The following NAALADL2 variants were observed in gnomAD, a reference collection of about 807,000 sequenced individuals.
NAALADL2 encodes the protein inactive N-acetylated-alpha-linked acidic dipeptidase-like protein 2.
A neutral mutation model predicts 87.2 loss-of-function variants in NAALADL2; 76 were observed. The observed-to-expected ratio is 0.87, with a 90% confidence interval of 0.72 to 1.05. The LOEUF is 1.05. NAALADL2 is among the 50% of genes least tolerant of loss of function. The pLI, the probability that NAALADL2 is intolerant of heterozygous loss-of-function variation, is 0.00. For synonymous variants in NAALADL2, 354 were observed against 331.0 expected, an observed-to-expected ratio of 1.07 and a Z score of -0.75; for missense variants, 1,089 against 945.8, an observed-to-expected ratio of 1.15 and a Z score of -1.99.
At chr3:174,739,386 G>A (rs1464273574) in intron 3 of NAALADL2, among the ~76,000 whole-genome samples, 1 of 152,080 alleles carries the variant, frequency 6.6e-6, no homozygotes, top group African/African-American at 2.4e-5. Flanking sequence ...ATCGGATGAA[G>A]ATTTTAGGGA....
At chr3:174,649,912 A>G (rs995767736) in intron 2 of NAALADL2, among the ~76,000 whole-genome samples, 28 of 152,248 alleles carry the variant, frequency 1.8e-4, no homozygotes, top group African/African-American at 4.3e-4. Context: ...GCTCATATCT[A>G]TCTTACATAC....
intron 3 of NAALADL2, among the ~76,000 whole-genome samples, chr3:174,832,367 C>A (rs1259358702): frequency 6.6e-6 from 1 of 152,060 alleles, no homozygotes; most frequent in Non-Finnish European, 1.5e-5. Flanking sequence ...TCGTTATGTA[C>A]CCAGTAGTCA....
chr3:175,502,023 T>C (rs1729614115), intron 9 of NAALADL2, among the ~76,000 whole-genome samples: 1 of 152,220 alleles, frequency 6.6e-6, no homozygotes, highest in Non-Finnish European at 1.5e-5. Context: ...CACATTGGTC[T>C]ACATGAACAG....
chr3:175,781,845 A>C (rs922273943), intron 13 of NAALADL2, among the ~76,000 whole-genome samples: 1 of 151,548 alleles, frequency 6.6e-6, no homozygotes, highest in Non-Finnish European at 1.5e-5. Context: ...GTATCTCCCA[A>C]TGCTATCCCT....
chr3:175,765,285 A>G lies in NAALADL2; in HGVS notation c.2189+9867A>G, dbSNP rs116440879. The stretch of plus-strand genomic sequence containing the variant: ...CTTTTACCCTTTTATGAATAAATAC[A>G]TACACTAGTTTTATAATTATGTGTC... On this transcript the variant is annotated intron_variant, in intron 13 of 13. Coordinates refer to ENST00000454872, the MANE Select transcript of NAALADL2 (RefSeq NM_207015.3). Among the ~76,000 whole-genome samples the G allele has an allele frequency of 1.8e-3, 267 of 152,248 alleles. 2 individuals carry two copies. Among genetic ancestry groups the G allele is most frequent in the African/African-American group, 6.3e-3 (260 of 41,576 alleles).
chr3:175,671,467 A>G (rs1733995741), intron 11 of NAALADL2, among the ~76,000 whole-genome samples: 2 of 152,010 alleles, frequency 1.3e-5, no homozygotes, highest in African/African-American at 4.8e-5. Flanking sequence ...TCATTAAAGT[A>G]TTGCTACCAG....
intron 11 of NAALADL2, among the ~76,000 whole-genome samples, chr3:175,691,774 G>T (rs1337419300): frequency 6.6e-6 from 1 of 151,942 alleles, no homozygotes; most frequent in African/African-American, 2.4e-5. Context: ...AAGTACAGTG[G>T]TTTGCATTTT....
intron 9 of NAALADL2, among the ~76,000 whole-genome samples, chr3:175,483,095 A>G (rs544994025): frequency 1.3e-5 from 2 of 152,040 alleles, no homozygotes; most frequent in African/African-American, 4.8e-5. Context: ...AGGGTGTGAT[A>G]CTAATTTAGC....
At chr3:175,676,971 G>T (rs1019316704) in intron 11 of NAALADL2, among the ~76,000 whole-genome samples, 1 of 152,176 alleles carries the variant, frequency 6.6e-6, no homozygotes, top group Non-Finnish European at 1.5e-5. Flanking sequence ...GAAACCAGGA[G>T]ATATAAATAA....
intron 1 of NAALADL2, among the ~76,000 whole-genome samples, chr3:174,484,252 A>G (rs77311294): frequency 3.9e-5 from 3 of 76,618 alleles, no homozygotes; most frequent in Admixed American, 1.7e-4. Flanking sequence ...AGTGTGATTT[A>G]CATTATGGTA....
chr3:175,197,240 C>T (rs573523079), intron 2 of NAALADL2, among the ~76,000 whole-genome samples: 1 of 152,012 alleles, frequency 6.6e-6, no homozygotes, highest in African/African-American at 2.4e-5. Context: ...TTGTTTATAT[C>T]TCTGTTAACT....
At chr3:175,578,346 T>A (rs1309962075) in intron 10 of NAALADL2, among the ~76,000 whole-genome samples, 3 of 151,930 alleles carry the variant, frequency 2.0e-5, no homozygotes, top group Non-Finnish European at 4.4e-5. Flanking sequence ...GATGGGAGGA[T>A]CGCTGGAGCC....
At chr3:175,730,796 C>G (rs982744153) in intron 11 of NAALADL2, among the ~76,000 whole-genome samples, 9 of 151,804 alleles carry the variant, frequency 5.9e-5, no homozygotes, top group South Asian at 2.1e-4. Flanking sequence ...CTGCTCAGGG[C>G]TAGTATGGTC....
chr3:175,531,122 C>T (rs940741040), intron 9 of NAALADL2, among the ~76,000 whole-genome samples: 5 of 152,134 alleles, frequency 3.3e-5, no homozygotes, highest in East Asian at 3.9e-4. Flanking sequence ...GCAGCTTGCA[C>T]AGCAGCCTAG....
At chr3:175,632,110 C>T (rs1036901287) in intron 11 of NAALADL2, among the ~76,000 whole-genome samples, 2 of 151,924 alleles carry the variant, frequency 1.3e-5, no homozygotes, top group African/African-American at 4.8e-5. Context: ...TGTGTCCCCA[C>T]CCAAATCTCA....
intron 2 of NAALADL2, among the ~76,000 whole-genome samples, chr3:174,642,768 ATATATATATATATATATATATGT>A (rs1179340202): frequency 2.8e-5 from 1 of 35,116 alleles, no homozygotes; most frequent in African/African-American, 2.1e-4. Context: ...ATATATATAT[ATATATATATATATATATATATGT>A]TTTTTTTCAT....
intron 1 of NAALADL2, among the ~76,000 whole-genome samples, chr3:175,090,837 A>G (rs1428906561): frequency 7.1e-6 from 1 of 139,914 alleles, no homozygotes; most frequent in East Asian, 2.1e-4. Flanking sequence ...TATTTAATCT[A>G]TTAGTGAAGC....
At chr3:174,521,081 C>G (rs1720249024) in intron 1 of NAALADL2, among the ~76,000 whole-genome samples, 1 of 152,128 alleles carries the variant, frequency 6.6e-6, no homozygotes, top group Admixed American at 6.5e-5. Flanking sequence ...ATTAGTACAA[C>G]CTCTGTGCAA....
intron 3 of NAALADL2, among the ~76,000 whole-genome samples, chr3:174,806,947 G>A (rs578262225): frequency 1.4e-4 from 21 of 152,056 alleles, no homozygotes; most frequent in Non-Finnish European, 2.8e-4. Context: ...ATTGTCCTTA[G>A]TTATAGATTA....
Sources: gnomAD v4.1 joint callset for allele counts (sites outside exome capture counted in the v4.1 genomes callset) on GRCh38, gnomAD v4.1.1 for gene constraint, MANE v1.5 for transcripts, NCBI Gene and HGNC (gene_info 2026-07-23, HGNC 2026-07-21) for gene names.